ZNF385D: variants seen among roughly 807,000 people sequenced by gnomAD.
ZNF385D encodes zinc finger protein 385D, also known as zinc finger protein 659.
In ZNF385D, 15 loss-of-function variants were observed where a neutral mutation model predicts 35.8. The observed-to-expected ratio is 0.42, with a 90% confidence interval of 0.28 to 0.64. The LOEUF (loss-of-function observed/expected upper bound fraction) is 0.64. Ranked by LOEUF, ZNF385D falls within the 30% of genes least tolerant of loss-of-function variation. The pLI, the probability that ZNF385D is intolerant of heterozygous loss-of-function variation, is 0.23. For synonymous variants in ZNF385D, 212 were observed against 186.8 expected (o/e 1.13, Z -1.10); for missense variants, 474 against 494.6 (o/e 0.96, Z 0.39).
intron 3 of ZNF385D, among the ~76,000 whole-genome samples, chr3:22,163,941 C>G (rs1706135668): frequency 6.6e-6 from 1 of 152,150 alleles, no homozygotes; most frequent in Non-Finnish European, 1.5e-5. Flanking sequence ...ATTATTTGTA[C>G]AAATCAACAT....
chr3:21,735,791 G>A (rs2069214863), intron 1 of ZNF385D, among the ~76,000 whole-genome samples: 1 of 152,192 alleles, frequency 6.6e-6, no homozygotes, highest in African/African-American at 2.4e-5. Flanking sequence ...GAGAAAAGCT[G>A]ATTGGTTGCC....
chr3:21,627,893 A>G (rs1187294612), intron 2 of ZNF385D, among the ~76,000 whole-genome samples: 1 of 152,172 alleles, frequency 6.6e-6, no homozygotes, highest in Non-Finnish European at 1.5e-5. Flanking sequence ...GATTTATACT[A>G]CAAATATAAT....
intron 2 of ZNF385D, among the ~76,000 whole-genome samples, chr3:22,261,283 T>C (rs1024259724): frequency 7.2e-5 from 11 of 152,000 alleles, no homozygotes; most frequent in Non-Finnish European, 4.4e-5. Context: ...GACTGTAACA[T>C]TATAGTTAAA....
At chr3:22,010,487 C>G (rs1280743310) in intron 3 of ZNF385D, among the ~76,000 whole-genome samples, 1 of 152,192 alleles carries the variant, frequency 6.6e-6, no homozygotes, top group Non-Finnish European at 1.5e-5. Context: ...AATCAAGAGA[C>G]ACCTATTGAG....
At chr3:21,809,633 T>A (rs78287201) in intron 3 of ZNF385D, among the ~76,000 whole-genome samples, 2 of 145,780 alleles carry the variant, frequency 1.4e-5, no homozygotes, top group South Asian at 4.3e-4. Flanking sequence ...TACACACATA[T>A]ATACACATAT....
At chr3:22,332,939 C>T (rs1271926757) in intron 2 of ZNF385D, among the ~76,000 whole-genome samples, 5 of 151,400 alleles carry the variant, frequency 3.3e-5, no homozygotes, top group Admixed American at 6.6e-5. Context: ...ACTTTCCTTC[C>T]GGTAACATTT....
At chr3:21,655,016 T>C (rs2066031654) in intron 2 of ZNF385D, among the ~76,000 whole-genome samples, 1 of 151,994 alleles carries the variant, frequency 6.6e-6, no homozygotes, top group South Asian at 2.1e-4. Context: ...TACTTAGTTG[T>C]GAAAATGGAT....
At chr3:21,951,424 T>C (rs1235530189) in intron 3 of ZNF385D, among the ~76,000 whole-genome samples, 1 of 151,734 alleles carries the variant, frequency 6.6e-6, no homozygotes, top group Non-Finnish European at 1.5e-5. Context: ...TGAAGCTGCT[T>C]ATCAGCTTAA....
At chr3:21,460,724 T>G (rs1575185913) in intron 4 of ZNF385D, among the ~76,000 whole-genome samples, 3 of 152,176 alleles carry the variant, frequency 2.0e-5, no homozygotes, top group Admixed American at 6.5e-5. Context: ...AAGTTACTTA[T>G]TACAACATTC....
chr3:21,617,785 C>T (rs1167043958), intron 2 of ZNF385D, among the ~76,000 whole-genome samples: 1 of 152,146 alleles, frequency 6.6e-6, no homozygotes, highest in Non-Finnish European at 1.5e-5. Context: ...ATGTTTGAGA[C>T]TGCATGGTGG....
intron 3 of ZNF385D, among the ~76,000 whole-genome samples, chr3:21,949,887 C>T (rs13066835): frequency 1.3e-5 from 2 of 152,118 alleles, no homozygotes; most frequent in African/African-American, 4.8e-5. Context: ...GACATGAACT[C>T]ATCCTTTTTT....
chr3:21,827,606 G>T (rs1266299972), intron 3 of ZNF385D, among the ~76,000 whole-genome samples: 2 of 152,130 alleles, frequency 1.3e-5, no homozygotes, highest in African/African-American at 4.8e-5. Context: ...GTTTCATCCT[G>T]ATTTCATATA....
At chr3:21,500,367 T>C (rs994673032) in intron 4 of ZNF385D, among the ~76,000 whole-genome samples, 5 of 152,160 alleles carry the variant, frequency 3.3e-5, no homozygotes, top group African/African-American at 1.2e-4. Flanking sequence ...AGAATAAAGA[T>C]GTATGAAATT....
chr3:21,623,539 A>G (rs2125819619), intron 2 of ZNF385D, among the ~76,000 whole-genome samples: 1 of 152,154 alleles, frequency 6.6e-6, no homozygotes, highest in African/African-American at 2.4e-5. Context: ...GCTAGTCAGG[A>G]GGCAGAAGTG....
At chr3:21,723,596 G>A (rs2068631304) in intron 1 of ZNF385D, among the ~76,000 whole-genome samples, 1 of 152,122 alleles carries the variant, frequency 6.6e-6, no homozygotes, top group Non-Finnish European at 1.5e-5. Flanking sequence ...GACAAGATTA[G>A]AGAAAAAAGA....
At chr3:22,309,285 G>A (rs1045534127) in intron 2 of ZNF385D, among the ~76,000 whole-genome samples, 69 of 85,450 alleles carry the variant, frequency 8.1e-4, no homozygotes, top group African/African-American at 3.5e-3. Context: ...GTTTTTACTT[G>A]TAATTATTTA....
rs370630954 is a variant in ZNF385D at position 21,837,937 on chromosome 3, C to T, written c.326-172909G>A. The stretch of plus-strand genomic sequence containing the variant: ...AGTAGTAAAATAATATTGCAAATGA[C>T]GGTGAGTAGAGGAAGGGAAAAATTT... On this transcript the variant is annotated intron_variant, in intron 3 of 5. Coordinates refer to the ZNF385D transcript ENST00000494108. 7.9e-5 allele frequency among the ~76,000 whole-genome samples: 12 copies of T among 151,274 alleles called. No homozygotes were observed. The South Asian group carries it at 1.7e-3, about 21-fold the overall frequency.
chr3:21,606,431 A>G (rs1446189029), intron 2 of ZNF385D, among the ~76,000 whole-genome samples: 1 of 152,228 alleles, frequency 6.6e-6, no homozygotes, highest in East Asian at 1.9e-4. Context: ...CACAGAATGT[A>G]TATGAAATAC....
chr3:22,204,341 G>A (rs1171729576), intron 2 of ZNF385D, among the ~76,000 whole-genome samples: 1 of 152,000 alleles, frequency 6.6e-6, no homozygotes. Flanking sequence ...GAACTTGTAT[G>A]ATAAAAGACA....
Sources: allele counts gnomAD v4.1 joint callset (sites outside exome capture counted in the v4.1 genomes callset), GRCh38; gene constraint gnomAD v4.1.1; transcripts MANE v1.5; gene names NCBI Gene and HGNC (gene_info 2026-07-23, HGNC 2026-07-21).